R3HDM1: variants seen among roughly 807,000 people sequenced by gnomAD.
R3HDM1 encodes the protein R3H domain containing 1.
In R3HDM1, 46 loss-of-function variants were observed where a neutral mutation model predicts 141.1. That is an observed-to-expected ratio of 0.33 (90% confidence interval 0.26 to 0.42). The LOEUF (loss-of-function observed/expected upper bound fraction) is 0.42. R3HDM1 is among the 10% of genes least tolerant of loss of function. The pLI is 1.00. For synonymous variants in R3HDM1, 435 were observed against 472.9 expected (o/e 0.92, Z 1.04); for missense variants, 1,184 against 1,368.3 (o/e 0.87, Z 2.12).
intron 21 of R3HDM1, among the ~76,000 whole-genome samples, chr2:135,688,746 G>A (rs974059170): frequency 1.3e-5 from 2 of 152,104 alleles, no homozygotes; most frequent in Non-Finnish European, 2.9e-5. Context: ...GACCAGCCTG[G>A]CCAACATGGT....
intron 1 of R3HDM1, chr2:135,536,666 T>A: frequency 1.1e-6 from 1 of 950,082 alleles, no homozygotes. Flanking sequence ...CAACATTAGT[T>A]TGATGAAAGA....
chr2:135,687,054 C>T (rs2071468008), intron 21 of R3HDM1, among the ~76,000 whole-genome samples: 1 of 152,066 alleles, frequency 6.6e-6, no homozygotes, highest in African/African-American at 2.4e-5. Flanking sequence ...AAAAAACTAG[C>T]CGGGCATGGT....
At chr2:135,640,509 A>G (rs1329442264) in intron 14 of R3HDM1, among the ~76,000 whole-genome samples, 1 of 152,224 alleles carries the variant, frequency 6.6e-6, no homozygotes, top group East Asian at 1.9e-4. Context: ...TTCTCTTCAG[A>G]GATGAAAAGA....
intron 1 of R3HDM1, among the ~76,000 whole-genome samples, chr2:135,535,156 TAACCA>T (rs1695765755): frequency 6.6e-6 from 1 of 152,200 alleles, no homozygotes. Context: ...TCTGTCTTTA[TAACCA>T]CATTTGCATA....
At chr2:135,636,728 T>A (rs2063290235) in intron 11 of R3HDM1, among the ~76,000 whole-genome samples, 1 of 151,498 alleles carries the variant, frequency 6.6e-6, no homozygotes, top group African/African-American at 2.4e-5. Context: ...TTTGTCAACA[T>A]CTACTAAGCA....
Position 135,699,036 on chromosome 2 carries a change from T to TTG in R3HDM1, c.2460-10397_2460-10396insTG, listed in dbSNP as rs1559465956. On this transcript the variant is annotated intron_variant, in intron 21 of 26. Transcript: ENST00000683871. ...ATAGATAGATAGATAGATAGATAGA[T>TTG]AGATAGATAAGATAGATAAGATAGA... Among the ~76,000 whole-genome samples the TTG allele has an allele frequency of 3.4e-3, 373 of 108,418 alleles. 3 individuals are homozygous for TTG. The highest frequency in any genetic ancestry group is 0.011 in the African/African-American group (339 of 30,828). The allele number at this position is 108,418 out of a possible 152,430, so 71.1% of individuals were successfully genotyped here. A position where few individuals can be genotyped will look rare whatever the true frequency, so the allele number is the denominator to read the frequency against.
At chr2:135,703,060 G>A (rs1305448632) in intron 21 of R3HDM1, among the ~76,000 whole-genome samples, 1 of 152,128 alleles carries the variant, frequency 6.6e-6, no homozygotes, top group Non-Finnish European at 1.5e-5. Flanking sequence ...CATTCTCCAG[G>A]AGCATCAGAG....
chr2:135,537,424 C>T (rs1696433131), intron 1 of R3HDM1, among the ~76,000 whole-genome samples: 1 of 149,728 alleles, frequency 6.7e-6, no homozygotes, highest in South Asian at 2.1e-4. Flanking sequence ...GTAGCTGGGA[C>T]TATAGTCACG....
At chr2:135,541,193 A>G (rs1163797417) in intron 1 of R3HDM1, among the ~76,000 whole-genome samples, 1 of 151,968 alleles carries the variant, frequency 6.6e-6, no homozygotes, top group Non-Finnish European at 1.5e-5. Flanking sequence ...AAAGTTAAGT[A>G]TCTGCATTAG....
At chr2:135,693,791 T>C (rs1466364065) in intron 21 of R3HDM1, among the ~76,000 whole-genome samples, 1 of 152,186 alleles carries the variant, frequency 6.6e-6, no homozygotes, top group Non-Finnish European at 1.5e-5. Context: ...GTGGATCATC[T>C]GAGGTCAGGA....
At chr2:135,665,440 C>T (rs1250869910) in intron 19 of R3HDM1, 1 of 533,862 alleles carries the variant, frequency 1.9e-6, no homozygotes, top group Non-Finnish European at 3.9e-6. Flanking sequence ...GAGAGGTTTA[C>T]ATTTCTCACA....
intron 18 of R3HDM1, among the ~76,000 whole-genome samples, chr2:135,660,804 G>A (rs2105305970): frequency 6.7e-6 from 1 of 148,602 alleles, no homozygotes. Flanking sequence ...CAAGATGGCA[G>A]CACTACACTC....
At chr2:135,720,879 C>T (rs1022111365) in intron 24 of R3HDM1, among the ~76,000 whole-genome samples, 3 of 152,156 alleles carry the variant, frequency 2.0e-5, no homozygotes, top group Admixed American at 1.3e-4. Flanking sequence ...AGAGTTTCTT[C>T]CTTCCTCTGA....
intron 21 of R3HDM1, among the ~76,000 whole-genome samples, chr2:135,697,984 C>T (rs1016120423): frequency 8.8e-4 from 123 of 140,498 alleles, no homozygotes; most frequent in African/African-American, 3.0e-3. Context: ...ACCTGGGAGG[C>T]GGAGGTTGTA....
intron 7 of R3HDM1, among the ~76,000 whole-genome samples, chr2:135,629,593 A>G (rs1162018570): frequency 6.6e-6 from 1 of 152,236 alleles, no homozygotes; most frequent in Non-Finnish European, 1.5e-5. Flanking sequence ...ATATGAAAGA[A>G]ACAATTCTAA....
In R3HDM1 at chr2:135,638,978, C is replaced by A. The variant is rs1174201851; in HGVS notation, c.1075C>A (p.Pro359Thr). 3 of 1,614,004 alleles carry A rather than the reference C, an allele frequency of 1.9e-6. No individual in the cohort carries two copies. In the Admixed American group the frequency reaches 5.0e-5, roughly 27 times the overall value. ...ENELKYSEPR[P>T]WSSTDSDSSL... ...TGAGTTGAAGTACTCGGAACCACGA[C>A]CCTGGAGCAGCACAGATTCAGACAG... Residue 359 changes from proline (P) to threonine (T), a missense_variant, in exon 14 of 27, where the codon CCC becomes ACC. Pro to Thr is a conservative substitution (Grantham distance 38, BLOSUM62 -1). Transcript: ENST00000683871.
intron 1 of R3HDM1, among the ~76,000 whole-genome samples, chr2:135,537,410 C>G (rs938712968): frequency 2.0e-5 from 3 of 150,266 alleles, no homozygotes; most frequent in South Asian, 4.2e-4. Flanking sequence ...CTCAGCCCCC[C>G]CAAGTAGCTG....
intron 21 of R3HDM1, among the ~76,000 whole-genome samples, chr2:135,698,842 A>G (rs1443788580): frequency 6.6e-6 from 1 of 152,152 alleles, no homozygotes; most frequent in Non-Finnish European, 1.5e-5. Context: ...ACTGTACAGT[A>G]CCAAGGGGGA....
At chr2:135,618,984 C>A (rs149679466) in intron 5 of R3HDM1, among the ~76,000 whole-genome samples, 2 of 149,378 alleles carry the variant, frequency 1.3e-5, no homozygotes, top group East Asian at 3.9e-4. Flanking sequence ...TGCGCTATTG[C>A]GCTCCAGCCT....
Sources: gnomAD v4.1 joint callset for allele counts (sites outside exome capture counted in the v4.1 genomes callset) on GRCh38, gnomAD v4.1.1 for gene constraint, MANE v1.5 for transcripts, NCBI Gene and HGNC (gene_info 2026-07-23, HGNC 2026-07-21) for gene names.